The following DAGLB variants were observed in gnomAD, a reference collection of about 807,000 sequenced individuals.
The protein encoded by DAGLB is diacylglycerol lipase-beta.
In DAGLB, 66 loss-of-function variants were observed where a neutral mutation model predicts 72.1. The observed-to-expected ratio is 0.92, with a 90% confidence interval of 0.75 to 1.12. The LOEUF (loss-of-function observed/expected upper bound fraction) is 1.12, where lower values mean the gene tolerates loss of function less well. Among genes scored for constraint, DAGLB ranks in the 50% most tolerant of loss-of-function variants. DAGLB has a pLI of 0.00. For synonymous variants in DAGLB, 414 were observed against 359.5 expected (o/e 1.15, Z -1.71); for missense variants, 1,065 against 884.9 (o/e 1.20, Z -2.58).
At chr7:6,413,127 G>C in intron 11 of DAGLB, 93 bp from the exon 12 acceptor site, 1 of 1,348,384 alleles carries the variant, frequency 7.4e-7, no homozygotes, top group Non-Finnish European at 1.0e-6. Flanking sequence ...GAGGGGTTAG[G>C]TTCCCAGGCC....
intron 2 of DAGLB, among the ~76,000 whole-genome samples, chr7:6,443,246 T>A (rs1784890357): frequency 3.3e-5 from 2 of 60,804 alleles, no homozygotes; most frequent in Non-Finnish European, 3.0e-5. Flanking sequence ...ACTTTGTCTC[T>A]ACTAAAAAAA....
chr7:6,422,768 G>GGGTA (rs1170329250), intron 8 of DAGLB: 1 of 152,328 alleles, frequency 6.6e-6, no homozygotes, highest in Non-Finnish European at 1.5e-5. Context: ...CCTAACCACT[G>GGGTA]GGTACTATGC....
chr7:6,416,960 G>A, intron 9 of DAGLB, 39 bp from the exon 10 acceptor site: 3 of 1,608,652 alleles, frequency 1.9e-6, no homozygotes, highest in Non-Finnish European at 1.7e-6. Context: ...TTAATCCTCA[G>A]ACAAGGCAGG....
At chr7:6,424,639 A>C in intron 8 of DAGLB, 113 bp downstream of exon 8, 2 of 997,094 alleles carry the variant, frequency 2.0e-6, no homozygotes, top group Admixed American at 3.8e-5. Flanking sequence ...TTCTGTCCTC[A>C]CCATTTTCCC....
chr7:6,428,674 A>G (rs1262356894), intron 6 of DAGLB, among the ~76,000 whole-genome samples: 2 of 151,878 alleles, frequency 1.3e-5, no homozygotes, highest in African/African-American at 4.8e-5. Flanking sequence ...TTTAGTAGAG[A>G]CGGGGTGTCA....
chr7:6,432,259 G>A (rs1041510741), intron 5 of DAGLB, among the ~76,000 whole-genome samples: 4 of 152,098 alleles, frequency 2.6e-5, no homozygotes, highest in Admixed American at 1.3e-4. Flanking sequence ...GGCTGAGGCA[G>A]GAGAATCACC....
rs1167474994 is a variant in DAGLB at position 6,410,327 on chromosome 7, G to T, written c.1623C>A (p.Asn541Lys). ...CCCCGTCCAGCTCCGTGGGCAAGTT[G>T]TTGGGGTTTCCTCCAAACAGTTCGT... ...LWYELFGGNP[N>K]NLPTELDGGD... is the part of the protein sequence containing the mutation. Residue 541 changes from asparagine to lysine, a missense_variant, in exon 14 of 15, where the codon AAC becomes AAA. Transcript: ENST00000297056. 16 of 1,613,996 alleles carry T rather than the reference G, an allele frequency of 9.9e-6. No individual in the cohort carries two copies. Among genetic ancestry groups the T allele is most frequent in the Non-Finnish European group, 1.3e-5 (15 of 1,180,024 alleles).
chr7:6,433,035 T>A, intron 4 of DAGLB, 76 bp from the exon 5 acceptor site: 1 of 1,549,776 alleles, frequency 6.5e-7, no homozygotes, highest in Non-Finnish European at 8.7e-7. Context: ...TCCAGTCTTC[T>A]ATAGTTGATA....
intron 11 of DAGLB, 127 bp from the exon 12 acceptor site, chr7:6,413,161 A>C: frequency 1.0e-6 from 1 of 998,212 alleles, no homozygotes; most frequent in Non-Finnish European, 1.5e-6. Context: ...CTCTTCTCTA[A>C]AGGGAGGGTA....
chr7:6,441,742 TATA>T (rs1202548486), intron 2 of DAGLB, among the ~76,000 whole-genome samples: 1 of 152,170 alleles, frequency 6.6e-6, no homozygotes, highest in African/African-American at 2.4e-5. Context: ...TAATAAGGCA[TATA>T]ATGTTATGTG....
At chr7:6,421,943 C>G (rs776799455) in intron 8 of DAGLB, 139 bp from the exon 9 acceptor site, 3 of 950,412 alleles carry the variant, frequency 3.2e-6, no homozygotes, top group Admixed American at 4.0e-5. Context: ...TGGGACTGAA[C>G]CCTAAACTAA....
At position 6,430,502 on chromosome 7, in the gene DAGLB, G is replaced by GC. The variant is rs1784451494; in HGVS notation, c.906dup (p.Leu303AlafsTer7). On this transcript the variant is annotated frameshift_variant, in exon 6 of 15. Coordinates refer to ENST00000297056, the MANE Select transcript of DAGLB (RefSeq NM_139179.4). LOFTEE classifies it high-confidence loss of function. ...CACCAGTCACCACCAATCCTGCACA[G>GC]CCCCGTGAGGGGGTTTCTGTAGATG... The GC allele has an allele frequency of 1.3e-6, 2 of 1,594,122 alleles. No individual in the cohort carries two copies. The highest frequency in any genetic ancestry group is 3.4e-5 in the Admixed American group (2 of 58,932).
chr7:6,436,441 G>C lies in DAGLB; in HGVS notation c.340C>G (p.Leu114Val). Residue 114 changes from leucine (L) to valine (V), a missense_variant, in exon 3 of 15, where the codon CTG becomes GTG. Coordinates refer to ENST00000297056, the MANE Select transcript of DAGLB (RefSeq NM_139179.4). ...CCATCTGCCACCCAGGCAGCCCCCA[G>C]AGAGGCCCAGACCATCTCTGGAAAA... ...LFFPEMVWAS[L>V]GAAWVADGVQ... 1.2e-6 allele frequency: 2 copies of C among 1,614,136 alleles called. No individual in the cohort carries two copies. The highest frequency in any genetic ancestry group is 1.7e-6 in the Non-Finnish European group (2 of 1,180,026).
chr7:6,447,528 G>C (rs953468057), intron 1 of DAGLB, among the ~76,000 whole-genome samples: 1 of 152,158 alleles, frequency 6.6e-6, no homozygotes, highest in Non-Finnish European at 1.5e-5. Flanking sequence ...CCCGGGGTCA[G>C]CCCACACACT....
intron 1 of DAGLB, among the ~76,000 whole-genome samples, chr7:6,446,974 C>T (rs904580228): frequency 6.6e-5 from 10 of 152,206 alleles, no homozygotes; most frequent in South Asian, 4.2e-4. Context: ...CGCACCACTG[C>T]ACTCCCGCCT....
intron 11 of DAGLB, 113 bp downstream of exon 11, chr7:6,416,514 G>C (rs529667966): frequency 6.8e-7 from 1 of 1,477,208 alleles, no homozygotes; most frequent in East Asian, 2.3e-5. Context: ...CTGCACTCCA[G>C]CCTGGGCGAC....
intron 9 of DAGLB, among the ~76,000 whole-genome samples, chr7:6,420,340 T>C (rs1784071455): frequency 6.6e-6 from 1 of 151,530 alleles, no homozygotes; most frequent in Admixed American, 6.6e-5. Context: ...CTTGGGAGGC[T>C]GAGACAGGAG....
intron 6 of DAGLB, among the ~76,000 whole-genome samples, chr7:6,430,029 G>C (rs768882814): frequency 2.7e-5 from 4 of 150,826 alleles, no homozygotes; most frequent in Non-Finnish European, 4.4e-5. Context: ...GGGCAACAGA[G>C]TGAAACTCCA....
chr7:6,421,627 A>AGGCGCAGGCAGCGCGGGC (rs1784125915), intron 9 of DAGLB, 100 bp downstream of exon 9: 2 of 1,088,576 alleles, frequency 1.8e-6, no homozygotes, highest in Non-Finnish European at 2.6e-6. Context: ...GCAGCGCGGG[A>AGGCGCAGGCAGCGCGGGC]GGCGCAGGCA....
Sources: allele counts gnomAD v4.1 joint callset (sites outside exome capture counted in the v4.1 genomes callset), GRCh38; gene constraint gnomAD v4.1.1; transcripts MANE v1.5; gene names NCBI Gene and HGNC (gene_info 2026-07-23, HGNC 2026-07-21).